The following ABLIM2 variants were observed in gnomAD, a reference collection of about 807,000 sequenced individuals.
The protein encoded by ABLIM2 is actin binding LIM protein family member 2.
ABLIM2 carries 53 observed loss-of-function variants against 97.7 expected under a neutral mutation model. The ratio of observed to expected loss-of-function variants is 0.54; its 90% confidence interval spans 0.44 to 0.68. The LOEUF (loss-of-function observed/expected upper bound fraction) is 0.68. Ranked by LOEUF, ABLIM2 falls within the 30% of genes least tolerant of loss-of-function variation. The pLI, the probability that ABLIM2 is intolerant of heterozygous loss-of-function variation, is 0.00. For missense variants in ABLIM2, 835 were observed against 867.2 expected (o/e 0.96, Z 0.47); for synonymous variants, 361 against 345.8 (o/e 1.04, Z -0.49).
chr4:8,070,322 C>T (rs532335715), intron 6 of ABLIM2, among the ~76,000 whole-genome samples: 4 of 151,356 alleles, frequency 2.6e-5, no homozygotes, highest in East Asian at 3.9e-4. Context: ...TGTATCTGCA[C>T]GTGTGCAAAA....
intron 12 of ABLIM2, among the ~76,000 whole-genome samples, chr4:8,026,608 T>TG (rs1777524422): frequency 6.6e-6 from 1 of 152,364 alleles, no homozygotes; most frequent in East Asian, 1.9e-4. Flanking sequence ...TTGCATTGCT[T>TG]GGGGAATTGG....
At chr4:7,983,370 C>T in intron 19 of ABLIM2, 26 bp from the exon 20 acceptor site, 1 of 1,605,526 alleles carries the variant, frequency 6.2e-7, no homozygotes, top group Non-Finnish European at 8.5e-7. Flanking sequence ...ACCACAGGGT[C>T]ACCTCACGAA....
chr4:8,001,537 C>T lies in ABLIM2; in HGVS notation c.1618+6522G>A, dbSNP rs1055338306. On this transcript the variant is annotated intron_variant, in intron 16 of 20. Transcript: ENST00000447017. This position sits in a 1 kb window ranked among gnomAD's most constrained non-coding sequence, Gnocchi z 4.2. ...ACAGCATCTTCTCCTGGGCTGGGGT[C>T]CTCGCCCTGACCTCTGGAGCTCCCT... is the stretch of plus-strand genomic sequence containing the variant. Among the ~76,000 whole-genome samples the T allele has an allele frequency of 6.6e-6, 1 of 152,128 alleles. No individual in the cohort carries two copies. Among genetic ancestry groups the T allele is most frequent in the Non-Finnish European group, 1.5e-5 (1 of 67,994 alleles).
intron 1 of ABLIM2, among the ~76,000 whole-genome samples, chr4:8,138,980 T>A (rs570720673): frequency 1.3e-5 from 2 of 152,316 alleles, no homozygotes; most frequent in South Asian, 4.1e-4. Context: ...GTGGATCACC[T>A]GAGGTCAGGA....
At chr4:8,006,184 G>A (rs1560553424) in intron 16 of ABLIM2, among the ~76,000 whole-genome samples, 1 of 152,248 alleles carries the variant, frequency 6.6e-6, no homozygotes, top group Non-Finnish European at 1.5e-5. Context: ...CAGTGCACGA[G>A]GTGAAGGCCA....
intron 7 of ABLIM2, among the ~76,000 whole-genome samples, chr4:8,057,325 A>T (rs1799940496): frequency 6.6e-6 from 1 of 152,070 alleles, no homozygotes; most frequent in African/African-American, 2.4e-5. Context: ...ACTTCGGGTG[A>T]TCCATCCACC....
In ABLIM2 at chr4:8,050,451, C is replaced by G. The variant is rs201250024; in HGVS notation, c.822+3737G>C. Reference sequence around the variant, plus strand: ...GTTGGCCTCTTGCTGAAGAGCAACCCTGAGGCAGGGATGGACTGGCTCCTG... The same window carrying G: ...GTTGGCCTCTTGCTGAAGAGCAACCGTGAGGCAGGGATGGACTGGCTCCTG... On this transcript the variant is annotated intron_variant, in intron 8 of 20. Transcript: ENST00000447017. Among the ~76,000 whole-genome samples, 11 of 152,246 alleles carry G rather than the reference C, an allele frequency of 7.2e-5. No individual in the cohort carries two copies. The East Asian group carries it at 1.7e-3, about 24-fold the overall frequency.
Position 8,022,419 on chromosome 4 carries a change from G to A in ABLIM2, c.1268-2116C>T, listed in dbSNP as rs963015809. Among the ~76,000 whole-genome samples the A allele has an allele frequency of 2.6e-5, 4 of 152,190 alleles. No homozygotes were observed. Among genetic ancestry groups the A allele is most frequent in the African/African-American group, 4.8e-5 (2 of 41,456 alleles). On this transcript the variant is annotated intron_variant, in intron 12 of 20. Coordinates refer to ENST00000447017, the MANE Select transcript of ABLIM2 (RefSeq NM_001130083.2). This position sits in a 1 kb window ranked among gnomAD's most constrained non-coding sequence, Gnocchi z 7.8. Reference sequence around the variant, plus strand: ...GTGCACGTCTATTTGAGGAGGGTCCGGAGACTCATCAGCTTTCATCAGATA... The same window carrying A: ...GTGCACGTCTATTTGAGGAGGGTCCAGAGACTCATCAGCTTTCATCAGATA...
Position 8,138,857 on chromosome 4 carries a change from C to A in ABLIM2, c.10+19823G>T, listed in dbSNP as rs191681288. ...CAATTGCAACAGAAGCAGAAATTGA[C>A]AAATGGGACCTAATTAAACTAAAGA... On this transcript the variant is annotated intron_variant, in intron 1 of 20. Coordinates refer to ENST00000447017, the MANE Select transcript of ABLIM2 (RefSeq NM_001130083.2). Among the ~76,000 whole-genome samples, 17 of 152,276 alleles carry A rather than the reference C, an allele frequency of 1.1e-4. No homozygotes were observed. In the East Asian group the frequency reaches 2.5e-3, roughly 22 times the overall value.
At position 7,984,849 on chromosome 4, in the gene ABLIM2, C is replaced by T; in HGVS notation, c.1725G>A (p.Trp575Ter). The T allele has an allele frequency of 6.2e-7, 1 of 1,604,936 alleles. No individual in the cohort carries two copies. The change falls in exon 18 of 21, where the codon TGG (tryptophan) becomes TGA (stop). Residue 575 changes from tryptophan to a stop codon, truncating the protein, a stop_gained. Transcript: ENST00000447017. LOFTEE classifies it high-confidence loss of function. Reference protein sequence around the residue: ...APCGADPDASWGMREYKIYPY... With the variant: ...APCGADPDAS ...CCCCGCTCTGTGTACCTCGCATGCC[C>T]CAGCTGGCATCCGGGTCTGCTCCAC...
intron 6 of ABLIM2, among the ~76,000 whole-genome samples, chr4:8,066,049 C>A (rs1275096889): frequency 6.7e-6 from 1 of 148,870 alleles, no homozygotes; most frequent in Non-Finnish European, 1.5e-5. Flanking sequence ...TGCCCGTAAT[C>A]CCAGCACTTT....
Position 8,003,785 on chromosome 4 carries a change from G to A in ABLIM2, c.1618+4274C>T, listed in dbSNP as rs533475029. 2.1e-4 allele frequency among the ~76,000 whole-genome samples: 32 copies of A among 152,032 alleles called. No individual in the cohort carries two copies. The highest frequency in any genetic ancestry group is 6.5e-4 in the African/African-American group (27 of 41,512). On this transcript the variant is annotated intron_variant, in intron 16 of 20. Coordinates refer to ENST00000447017, the MANE Select transcript of ABLIM2 (RefSeq NM_001130083.2). The surrounding 1 kb of genome is among the most constrained non-coding windows in gnomAD (Gnocchi z 4.2). Reference sequence around the variant, plus strand: ...TCACCATGTTGGTCAGGCTGGTCTCGAACTCCTGACCTCAGGTGATCTGCC... The same window carrying A: ...TCACCATGTTGGTCAGGCTGGTCTCAAACTCCTGACCTCAGGTGATCTGCC...
rs886300230 is a variant in ABLIM2 at position 8,112,400 on chromosome 4, A to T, written c.11-5763T>A. ...TAAATCAGGGCTTGATCTTAGGAGG[A>T]TGTTTTAAATGTCCATTGAAGTAGA... On this transcript the variant is annotated intron_variant, in intron 1 of 20. Coordinates refer to ENST00000447017, the MANE Select transcript of ABLIM2 (RefSeq NM_001130083.2). This position sits in a 1 kb window ranked among gnomAD's most constrained non-coding sequence, Gnocchi z 4.2. Among the ~76,000 whole-genome samples, 1 of 152,228 alleles carries T rather than the reference A, an allele frequency of 6.6e-6. No individual in the cohort carries two copies. The highest frequency in any genetic ancestry group is 1.5e-5 in the Non-Finnish European group (1 of 68,040).
chr4:8,128,680 C>T lies in ABLIM2; in HGVS notation c.11-22043G>A, dbSNP rs964068542. 6.6e-6 allele frequency among the ~76,000 whole-genome samples: 1 copy of T among 152,142 alleles called. No individual in the cohort carries two copies. Among genetic ancestry groups the T allele is most frequent in the African/African-American group, 2.4e-5 (1 of 41,426 alleles). ...CACTGCCGTGGATTGAATGTGGTGTCCCCTCCCCAGACTCACATGCTGATA... is the reference window on the plus strand; with the variant it reads ...CACTGCCGTGGATTGAATGTGGTGTTCCCTCCCCAGACTCACATGCTGATA... On this transcript the variant is annotated intron_variant, in intron 1 of 20. Transcript: ENST00000447017. The surrounding 1 kb of genome is among the most constrained non-coding windows in gnomAD (Gnocchi z 4.9).
chr4:8,063,917 G>A (rs922280421), intron 6 of ABLIM2, among the ~76,000 whole-genome samples: 2 of 152,128 alleles, frequency 1.3e-5, no homozygotes, highest in African/African-American at 2.4e-5. Context: ...CGTTACCAGG[G>A]AATAAGTTAC....
At position 7,998,776 on chromosome 4, in the gene ABLIM2, A is replaced by G. The variant is rs1755138740; in HGVS notation, c.1619-5849T>C. 1 of 453,730 alleles carries G rather than the reference A, an allele frequency of 2.2e-6. No individual in the cohort carries two copies. Among genetic ancestry groups the G allele is most frequent in the African/African-American group, 2.0e-5 (1 of 50,052 alleles). The allele number at this position is 453,730 out of a possible 1,614,324, so 28.1% of individuals were successfully genotyped here. The stretch of plus-strand genomic sequence containing the variant: ...CCTCCTGCTGCTGGGTGGGGGTGGG[A>G]GTGGGCAGGCAGGGCTGCTGTCCCT... On this transcript the variant is annotated intron_variant, in intron 16 of 20. Coordinates refer to ENST00000447017, the MANE Select transcript of ABLIM2 (RefSeq NM_001130083.2). This position sits in a 1 kb window ranked among gnomAD's most constrained non-coding sequence, Gnocchi z 6.4.
chr4:8,084,462 T>C lies in ABLIM2; in HGVS notation c.455-3660A>G, dbSNP rs141505855. 2.2e-3 allele frequency among the ~76,000 whole-genome samples: 336 copies of C among 152,266 alleles called. 2 individuals carry two copies. The highest frequency in any genetic ancestry group is 7.7e-3 in the African/African-American group (320 of 41,558). Reference sequence around the variant, plus strand: ...GCTCTGGTTTGGGCACCCACCCTCTTAGCACTACCCTTGCAGGAGCAAAGG... The same window carrying C: ...GCTCTGGTTTGGGCACCCACCCTCTCAGCACTACCCTTGCAGGAGCAAAGG... On this transcript the variant is annotated intron_variant, in intron 4 of 20. Coordinates refer to ENST00000447017, the MANE Select transcript of ABLIM2 (RefSeq NM_001130083.2).
intron 3 of ABLIM2, among the ~76,000 whole-genome samples, chr4:8,088,732 T>G (rs1049579397): frequency 1.3e-5 from 2 of 152,264 alleles, no homozygotes; most frequent in African/African-American, 2.4e-5. Context: ...ACTACTGTGA[T>G]AGGTGCCCTA....
chr4:8,109,651 C>A (rs1839332616), intron 1 of ABLIM2, among the ~76,000 whole-genome samples: 1 of 152,210 alleles, frequency 6.6e-6, no homozygotes, highest in Non-Finnish European at 1.5e-5. Flanking sequence ...CATGCTGGGG[C>A]CGCAGGTCTT....
Sources: gnomAD v4.1 joint callset for allele counts (sites outside exome capture counted in the v4.1 genomes callset) on GRCh38, gnomAD v4.1.1 for gene constraint, Gnocchi (gnomAD v3.1) non-coding constraint, MANE v1.5 for transcripts, NCBI Gene and HGNC (gene_info 2026-07-23, HGNC 2026-07-21) for gene names.